Variants in BABAM2 observed in about 807,000 individuals in gnomAD.
BABAM2 encodes BRISC and BRCA1 A complex member 2.
BABAM2 carries 31 observed loss-of-function variants against 54.7 expected under a neutral mutation model. The observed-to-expected ratio is 0.57, with a 90% CI of 0.43 to 0.77. The LOEUF is 0.77. BABAM2 is among the 30% of genes least tolerant of loss of function. The pLI is 0.00. For missense variants in BABAM2, 364 were observed against 455.8 expected (o/e 0.80, Z 1.83); for synonymous variants, 167 against 162.9 (o/e 1.03, Z -0.19).
chr2:27,937,017 A>T (rs1668536327), intron 3 of BABAM2, among the ~76,000 whole-genome samples: 1 of 152,224 alleles, frequency 6.6e-6, no homozygotes, highest in African/African-American at 2.4e-5. Flanking sequence ...TAATGCTATT[A>T]TACACTTAAT....
At chr2:28,173,231 C>G (rs1245682844) in intron 7 of BABAM2, among the ~76,000 whole-genome samples, 1 of 152,168 alleles carries the variant, frequency 6.6e-6, no homozygotes, top group Non-Finnish European at 1.5e-5. Flanking sequence ...GGGGGTTGCC[C>G]TGGTACAGGT....
At chr2:27,971,692 G>T (rs1671233449) in intron 3 of BABAM2, among the ~76,000 whole-genome samples, 1 of 150,684 alleles carries the variant, frequency 6.6e-6, no homozygotes, top group African/African-American at 2.4e-5. Context: ...ATTTTCCCAT[G>T]TGTTTTTTTT....
intron 8 of BABAM2, among the ~76,000 whole-genome samples, chr2:28,239,921 T>C (rs1227240189): frequency 6.6e-6 from 1 of 152,190 alleles, no homozygotes; most frequent in Non-Finnish European, 1.5e-5. Context: ...CTGGCTGTTG[T>C]CACCTTAGCC....
chr2:28,235,423 C>G (rs889698710), intron 7 of BABAM2, among the ~76,000 whole-genome samples: 1 of 152,120 alleles, frequency 6.6e-6, no homozygotes, highest in Non-Finnish European at 1.5e-5. Flanking sequence ...GATCCGCCCC[C>G]CTCAGCCTCC....
At chr2:28,136,084 T>C (rs1670507986) in intron 7 of BABAM2, among the ~76,000 whole-genome samples, 1 of 152,232 alleles carries the variant, frequency 6.6e-6, no homozygotes, top group Admixed American at 6.5e-5. Context: ...TGTATCCTGT[T>C]GTCCAGCCAA....
intron 10 of BABAM2, among the ~76,000 whole-genome samples, chr2:28,275,583 G>C (rs894676268): frequency 6.6e-6 from 1 of 152,200 alleles, no homozygotes; most frequent in Non-Finnish European, 1.5e-5. Context: ...TTAGTTGTGT[G>C]TCTAGAGAAT....
At chr2:27,909,432 T>C (rs929938238) in intron 2 of BABAM2, among the ~76,000 whole-genome samples, 4 of 152,220 alleles carry the variant, frequency 2.6e-5, no homozygotes, top group Non-Finnish European at 4.4e-5. Context: ...ATTCATTGTA[T>C]GATTTCTTTT....
At chr2:27,891,928 G>C (rs981772206) in intron 1 of BABAM2, among the ~76,000 whole-genome samples, 5 of 152,094 alleles carry the variant, frequency 3.3e-5, no homozygotes, top group African/African-American at 1.2e-4. Flanking sequence ...CATTTGACTA[G>C]TGAATCACTC....
chr2:28,303,596 C>T (rs1467622510), intron 11 of BABAM2, among the ~76,000 whole-genome samples: 1 of 152,052 alleles, frequency 6.6e-6, no homozygotes, highest in African/African-American at 2.4e-5. Flanking sequence ...TTCTTGAAAT[C>T]AGGAAAGGTA....
intron 3 of BABAM2, among the ~76,000 whole-genome samples, chr2:27,933,415 CT>C (rs1668241408): frequency 6.6e-6 from 1 of 151,052 alleles, no homozygotes; most frequent in Middle Eastern, 3.2e-3. Context: ...ATCATGGAAA[CT>C]ATATTTATAA....
At chr2:28,250,681 C>T (rs984122380) in intron 10 of BABAM2, among the ~76,000 whole-genome samples, 1 of 150,962 alleles carries the variant, frequency 6.6e-6, no homozygotes, top group Non-Finnish European at 1.5e-5. Context: ...CTCACAGCAA[C>T]CTCCGCCTCC....
intron 3 of BABAM2, among the ~76,000 whole-genome samples, chr2:27,977,137 G>C (rs955277106): frequency 7.9e-5 from 12 of 152,242 alleles, no homozygotes; most frequent in South Asian, 2.1e-4. Context: ...GCATTTGTAG[G>C]CACAACAGCC....
intron 5 of BABAM2, among the ~76,000 whole-genome samples, chr2:28,042,810 G>T (rs556104558): frequency 1.3e-5 from 2 of 152,042 alleles, no homozygotes; most frequent in African/African-American, 2.4e-5. Context: ...CGATCACGAG[G>T]TCAGGAGATA....
intron 2 of BABAM2, among the ~76,000 whole-genome samples, chr2:27,920,558 T>C (rs962255948): frequency 6.6e-6 from 1 of 152,198 alleles, no homozygotes; most frequent in Non-Finnish European, 1.5e-5. Context: ...TAAAAGGTGG[T>C]TATTGATCTT....
intron 10 of BABAM2, among the ~76,000 whole-genome samples, chr2:28,280,099 C>A (rs1327392608): frequency 6.6e-6 from 1 of 151,394 alleles, no homozygotes; most frequent in Non-Finnish European, 1.5e-5. Context: ...TGATCTGTTG[C>A]CCAGGCTAGA....
chr2:27,992,990 C>T (rs771449303), intron 4 of BABAM2, among the ~76,000 whole-genome samples: 15 of 152,204 alleles, frequency 9.9e-5, no homozygotes, highest in Admixed American at 2.0e-4. Flanking sequence ...GCAATACTCT[C>T]CTCAGTACAT....
chr2:28,315,135 G>A (rs983744346), intron 11 of BABAM2, among the ~76,000 whole-genome samples: 10 of 147,070 alleles, frequency 6.8e-5, no homozygotes, highest in Non-Finnish European at 6.0e-5. Context: ...AGGGAGAGAA[G>A]GAGAGGGGAG....
intron 7 of BABAM2, among the ~76,000 whole-genome samples, chr2:28,211,806 AT>A (rs1314009894): frequency 6.6e-6 from 1 of 152,228 alleles, no homozygotes; most frequent in African/African-American, 2.4e-5. Context: ...TCTTAAAAAA[AT>A]ATAGAAAAAT....
intron 7 of BABAM2, among the ~76,000 whole-genome samples, chr2:28,214,780 G>GTT (rs879819247): frequency 1.4e-5 from 2 of 145,190 alleles, no homozygotes; most frequent in African/African-American, 2.5e-5. Flanking sequence ...GTTTGCTGAA[G>GTT]TTTTTTTTTT....
Sources: allele counts gnomAD v4.1 joint callset (sites outside exome capture counted in the v4.1 genomes callset), GRCh38; gene constraint gnomAD v4.1.1; transcripts MANE v1.5; gene names NCBI Gene and HGNC (gene_info 2026-07-23, HGNC 2026-07-21).